Variants in CLASP2 observed in about 807,000 individuals in gnomAD.
CLASP2 encodes the protein cytoplasmic linker associated protein 2.
In CLASP2, 47 loss-of-function variants were observed where a neutral mutation model predicts 194.4. The ratio of observed to expected loss-of-function variants is 0.24; its 90% CI spans 0.19 to 0.31. The LOEUF is 0.31. Among genes scored for constraint, CLASP2 ranks in the 10% least tolerant of loss-of-function variants. CLASP2 has a pLI of 1.00. For missense variants in CLASP2, 1,445 were observed against 1,823.6 expected, an observed-to-expected ratio of 0.79 and a Z score of 3.78; for synonymous variants, 619 against 633.5, an observed-to-expected ratio of 0.98 and a Z score of 0.34.
chr3:33,533,209 T>A (rs558508934), intron 34 of CLASP2, among the ~76,000 whole-genome samples: 1 of 152,312 alleles, frequency 6.6e-6, no homozygotes, highest in South Asian at 2.1e-4. Context: ...TTTCATGCTA[T>A]GTCCAATTTA....
intron 5 of CLASP2, among the ~76,000 whole-genome samples, chr3:33,685,899 A>C (rs1270456932): frequency 1.3e-5 from 2 of 152,134 alleles, no homozygotes; most frequent in East Asian, 3.9e-4. Context: ...GGGAAGATGA[A>C]GAAGTTCTGG....
At chr3:33,709,366 G>C (rs1035262775) in intron 1 of CLASP2, among the ~76,000 whole-genome samples, 1 of 151,960 alleles carries the variant, frequency 6.6e-6, no homozygotes, top group Admixed American at 6.6e-5. Flanking sequence ...GTTTATTGAA[G>C]ACACTATCCT....
chr3:33,623,876 G>A (rs1435265550), intron 10 of CLASP2, among the ~76,000 whole-genome samples: 1 of 151,720 alleles, frequency 6.6e-6, no homozygotes, highest in Non-Finnish European at 1.5e-5. Flanking sequence ...CTCCCTGCAT[G>A]TGGTTTATAC....
At chr3:33,599,910 C>G (rs749358726) in intron 18 of CLASP2, among the ~76,000 whole-genome samples, 20 of 152,038 alleles carry the variant, frequency 1.3e-4, no homozygotes, top group Non-Finnish European at 2.4e-4. Context: ...GTGGCACTCT[C>G]CTTTTTACAA....
At position 33,656,918 on chromosome 3, in the gene CLASP2, T is replaced by C. The variant is rs527405722; in HGVS notation, c.715+6527A>G. Among the ~76,000 whole-genome samples, 27 of 152,218 alleles carry C rather than the reference T, an allele frequency of 1.8e-4. No individual in the cohort carries two copies. The South Asian group carries it at 4.8e-3, about 27-fold the overall frequency. On this transcript the variant is annotated intron_variant, in intron 7 of 38. Coordinates refer to ENST00000682230, the MANE Select transcript of CLASP2 (RefSeq NM_001365631.1). Reference sequence around the variant, plus strand: ...CGTAAACACAGTCAAAGCAAAACCATATACTTTGATATTTAGTATGTATGT... The same window carrying C: ...CGTAAACACAGTCAAAGCAAAACCACATACTTTGATATTTAGTATGTATGT...
intron 7 of CLASP2, among the ~76,000 whole-genome samples, chr3:33,648,982 A>G (rs910864919): frequency 3.9e-5 from 6 of 152,192 alleles, no homozygotes; most frequent in Non-Finnish European, 8.8e-5. Flanking sequence ...AAATCCTCCT[A>G]TGACTACATA....
At chr3:33,544,989 T>C (rs2058924895) in intron 30 of CLASP2, 148 bp from the exon 31 acceptor site, 2 of 529,172 alleles carry the variant, frequency 3.8e-6, no homozygotes, top group Admixed American at 4.1e-5. Context: ...TCAAACTGTT[T>C]TGCTGGAAGG....
chr3:33,704,767 C>CAT lies in CLASP2; in HGVS notation c.196-7836_196-7835dup, dbSNP rs145119483. ...GACGCAGTCTAAAAATATATATATACATATATATATATATGAATGGCTTAT... is the reference window on the plus strand; with the variant it reads ...GACGCAGTCTAAAAATATATATATACATATATATATATATATGAATGGCTTAT... On this transcript the variant is annotated intron_variant, in intron 1 of 38. Transcript: ENST00000682230. Among the ~76,000 whole-genome samples the CAT allele has an allele frequency of 3.2e-3, 478 of 149,572 alleles. 6 individuals are homozygous for CAT. The highest frequency in any genetic ancestry group is 8.9e-3 in the African/African-American group (363 of 40,756).
rs558837241 is a variant in CLASP2, at chr3:33,608,592, C to T, written c.1423G>A (p.Glu475Lys). ...SFEFLDLLLQ[E>K]WQTHSLERHA... Reference sequence around the variant, plus strand: ...CTTTCCAATGAATGAGTCTGCCACTCTTGCAACAATAAATCTAAAAATTCA... The same window carrying T: ...CTTTCCAATGAATGAGTCTGCCACTTTTGCAACAATAAATCTAAAAATTCA... The change falls in exon 14 of 39, where the codon GAG becomes AAG. Residue 475 changes from glutamate (E) to lysine (K), a missense_variant. By Grantham distance (56) the Glu-to-Lys change is moderately conservative. This residue lies in a region of CLASP2 where 207 missense variants were observed against 331.4 expected (regional missense o/e 0.62). Coordinates refer to ENST00000682230, the MANE Select transcript of CLASP2 (RefSeq NM_001365631.1). 4.9e-5 allele frequency: 79 copies of T among 1,611,284 alleles called. No individual in the cohort carries two copies. Among genetic ancestry groups the T allele is most frequent in the Non-Finnish European group, 6.5e-5 (77 of 1,178,904 alleles).
Position 33,594,983 on chromosome 3 carries a change from T to C in CLASP2, c.1949-15A>G. On this transcript the variant is annotated splice_polypyrimidine_tract_variant and intron_variant, in intron 19 of 38. Transcript: ENST00000682230. ...AGATGCTGTTCCTAAATAAGAAAAA[T>C]AAAACAACATTTCAACAAATTCTGC... 2 of 1,426,308 alleles carry C rather than the reference T, an allele frequency of 1.4e-6. No homozygotes were observed. Among genetic ancestry groups the C allele is most frequent in the Non-Finnish European group, 1.9e-6 (2 of 1,067,688 alleles). The allele number at this position is 1,426,308 out of a possible 1,614,324, so 88.4% of individuals were successfully genotyped here.
At chr3:33,533,130 T>G (rs1161649430) in intron 34 of CLASP2, among the ~76,000 whole-genome samples, 1 of 152,234 alleles carries the variant, frequency 6.6e-6, no homozygotes, top group Non-Finnish European at 1.5e-5. Context: ...GATTTTTAAA[T>G]AATTAATGCT....
intron 34 of CLASP2, among the ~76,000 whole-genome samples, chr3:33,520,019 T>C (rs910049176): frequency 6.6e-6 from 1 of 152,186 alleles, no homozygotes; most frequent in Non-Finnish European, 1.5e-5. Flanking sequence ...ATCTCTCTCT[T>C]TTCTTTTTTT....
Position 33,633,362 on chromosome 3 carries a change from C to A in CLASP2, c.863-991G>T, listed in dbSNP as rs147614267. Among the ~76,000 whole-genome samples the A allele has an allele frequency of 8.7e-4, 132 of 152,290 alleles. 2 individuals are homozygous for A. In the Middle Eastern group the frequency reaches 0.01, roughly 12 times the overall value. The stretch of plus-strand genomic sequence containing the variant: ...AAGTGGGGCAGAGTACCCTAGAATT[C>A]TTGAGTTGAGACAAGAGAGGCTGAC... On this transcript the variant is annotated intron_variant, in intron 8 of 38. Coordinates refer to ENST00000682230, the MANE Select transcript of CLASP2 (RefSeq NM_001365631.1).
intron 30 of CLASP2, among the ~76,000 whole-genome samples, chr3:33,547,182 G>A (rs981908814): frequency 6.6e-6 from 1 of 152,166 alleles, no homozygotes; most frequent in Non-Finnish European, 1.5e-5. Context: ...TAATTCCCAC[G>A]TGTTGGAGGG....
At chr3:33,696,075 T>G (rs1364716099) in intron 2 of CLASP2, among the ~76,000 whole-genome samples, 7 of 152,108 alleles carry the variant, frequency 4.6e-5, no homozygotes, top group African/African-American at 1.7e-4. Flanking sequence ...GATAAGGAAA[T>G]TTAGAGTACT....
chr3:33,543,646 T>A, intron 31 of CLASP2, 107 bp from the exon 32 acceptor site: 1 of 656,500 alleles, frequency 1.5e-6, no homozygotes, highest in South Asian at 1.9e-5. Context: ...TAAAGGGCCA[T>A]ATTTACAGGT....
At chr3:33,579,015 A>G (rs1560126710) in intron 23 of CLASP2, among the ~76,000 whole-genome samples, 1 of 152,218 alleles carries the variant, frequency 6.6e-6, no homozygotes, top group Non-Finnish European at 1.5e-5. Context: ...CAAAGAATGT[A>G]GGCAAATGTA....
chr3:33,554,191 C>T (rs1021220738), intron 29 of CLASP2, among the ~76,000 whole-genome samples: 1 of 147,590 alleles, frequency 6.8e-6, no homozygotes, highest in African/African-American at 2.5e-5. Flanking sequence ...CACACCACTG[C>T]GCTCCAGCCT....
At chr3:33,556,293 T>C (rs1323003606) in intron 29 of CLASP2, among the ~76,000 whole-genome samples, 1 of 152,194 alleles carries the variant, frequency 6.6e-6, no homozygotes, top group Admixed American at 6.5e-5. Context: ...CATGTGGTTT[T>C]CTATAATCTG....
Sources: allele counts gnomAD v4.1 joint callset (sites outside exome capture counted in the v4.1 genomes callset), GRCh38; gene constraint gnomAD v4.1.1; regional missense constraint gnomAD v4.1.1; transcripts MANE v1.5; gene names NCBI Gene and HGNC (gene_info 2026-07-23, HGNC 2026-07-21).